Variants in LEPR observed in about 807,000 individuals in gnomAD.
The protein encoded by LEPR is leptin receptor, also known as OB receptor.
In LEPR, 56 loss-of-function variants were observed where a neutral mutation model predicts 114.7. That is an observed-to-expected ratio of 0.49 (90% confidence interval 0.39 to 0.61). The LOEUF is 0.61. Ranked by LOEUF, LEPR falls within the 20% of genes least tolerant of loss-of-function variation. LEPR has a pLI of 0.00. For missense variants in LEPR, 1,202 were observed against 1,352.9 expected (o/e 0.89, Z 1.75); for synonymous variants, 443 against 461.4 (o/e 0.96, Z 0.51).
At position 65,616,046 on chromosome 1, in the gene LEPR, A is replaced by G. The variant is rs377399607; in HGVS notation, c.2034A>G (p.Arg678=). ...ATGACTCATTGTGCAGTGTTCAGAG[A>G]TATGTGATAAACCATCATACTTCCT... ...MKNDSLCSVQ[R]YVINHHTSCN... Residue 678 remains arginine (R), a synonymous_variant, in exon 15 of 20, where the codon AGA becomes AGG. Coordinates refer to ENST00000349533, the MANE Select transcript of LEPR (RefSeq NM_002303.6). 27 of 1,614,048 alleles carry G rather than the reference A, an allele frequency of 1.7e-5. No homozygotes were observed. In the South Asian group the frequency reaches 2.6e-4, roughly 16 times the overall value.
At chr1:65,436,486 A>G (rs1258255655) in intron 2 of LEPR, among the ~76,000 whole-genome samples, 1 of 152,256 alleles carries the variant, frequency 6.6e-6, no homozygotes, top group Non-Finnish European at 1.5e-5. Context: ...ATTTCTTTGC[A>G]TTGCCAAGCT....
chr1:65,465,703 G>A (rs775291144), intron 2 of LEPR, among the ~76,000 whole-genome samples: 1 of 152,168 alleles, frequency 6.6e-6, no homozygotes, highest in Non-Finnish European at 1.5e-5. Context: ...ATGAATCTGG[G>A]TGCTCCTGTG....
chr1:65,505,548 T>C (rs137945627), intron 2 of LEPR, among the ~76,000 whole-genome samples: 1 of 152,128 alleles, frequency 6.6e-6, no homozygotes, highest in Admixed American at 6.5e-5. Context: ...TTAGGCAAGA[T>C]GGAGGAGACA....
chr1:65,620,128 A>C, intron 17 of LEPR, 105 bp downstream of exon 17: 1 of 891,598 alleles, frequency 1.1e-6, no homozygotes, highest in Non-Finnish European at 1.8e-6. Flanking sequence ...ATCATGGAAG[A>C]GTCCAAAGTC....
At chr1:65,597,357 G>T (rs1050600967) in intron 7 of LEPR, among the ~76,000 whole-genome samples, 1 of 151,906 alleles carries the variant, frequency 6.6e-6, no homozygotes, top group African/African-American at 2.4e-5. Context: ...AGTTCGTTCC[G>T]TAAGTATTTA....
intron 2 of LEPR, among the ~76,000 whole-genome samples, chr1:65,455,283 C>T (rs535889701): frequency 1.5e-3 from 231 of 152,314 alleles, no homozygotes; most frequent in African/African-American, 5.4e-3. Flanking sequence ...TCTCTCAGCT[C>T]GTCGAAGTCA....
chr1:65,450,925 C>T (rs1646776575), intron 2 of LEPR, among the ~76,000 whole-genome samples: 2 of 151,466 alleles, frequency 1.3e-5, no homozygotes, highest in South Asian at 4.2e-4. Context: ...TCTCCACATC[C>T]TCTCCAGCAC....
chr1:65,501,904 T>C (rs760133797), intron 2 of LEPR, among the ~76,000 whole-genome samples: 4 of 152,106 alleles, frequency 2.6e-5, no homozygotes, highest in Non-Finnish European at 4.4e-5. Context: ...TGGTGGAGCC[T>C]TTAAAAATAT....
At chr1:65,599,631 A>C (rs865978210) in intron 8 of LEPR, among the ~76,000 whole-genome samples, 5 of 152,114 alleles carry the variant, frequency 3.3e-5, no homozygotes, top group Admixed American at 6.6e-5. Context: ...TGGCTCCACC[A>C]CTTATTTGGA....
chr1:65,443,958 T>TGGACAGTGAAAC (rs1328839004), intron 2 of LEPR, among the ~76,000 whole-genome samples: 10 of 30,796 alleles, frequency 3.2e-4, no homozygotes, highest in Non-Finnish European at 5.0e-4. Flanking sequence ...ATACTTTTTT[T>TGGACAGTGAAAC]TTTTTTTTTT....
intron 2 of LEPR, among the ~76,000 whole-genome samples, chr1:65,446,220 A>G (rs1281034647): frequency 1.3e-5 from 2 of 152,324 alleles, no homozygotes; most frequent in African/African-American, 2.4e-5. Context: ...TTGCATTCCA[A>G]CCAACAATGT....
chr1:65,483,064 T>C (rs1647298948), intron 2 of LEPR, among the ~76,000 whole-genome samples: 1 of 151,398 alleles, frequency 6.6e-6, no homozygotes, highest in Non-Finnish European at 1.5e-5. Flanking sequence ...CAGGGAAATA[T>C]TGCTTAGACA....
At chr1:65,590,425 A>G (rs1175527738) in intron 5 of LEPR, among the ~76,000 whole-genome samples, 1 of 150,840 alleles carries the variant, frequency 6.6e-6, no homozygotes, top group African/African-American at 2.4e-5. Context: ...CCCAAGTGTC[A>G]TGGGAGGAAC....
Position 65,621,391 on chromosome 1 carries a change from G to A in LEPR, c.2530G>A (p.Val844Ile), listed in dbSNP as rs1257941212. The A allele has an allele frequency of 1.2e-6, 2 of 1,613,332 alleles. No homozygotes were observed. The highest frequency in any genetic ancestry group is 1.7e-5 in the Admixed American group (1 of 59,978). The change falls in exon 18 of 20, where the codon GTA becomes ATA. Residue 844 changes from valine to isoleucine, a missense_variant. Transcript: ENST00000349533. ...ACACCAGAGTGATGCAGGTTTATAT[G>A]TAATTGTGCCAGTAATTATTTCCTC... ...EKHQSDAGLY[V>I]IVPVIISSSI...
At chr1:65,503,891 T>C (rs998031728) in intron 2 of LEPR, among the ~76,000 whole-genome samples, 5 of 152,000 alleles carry the variant, frequency 3.3e-5, no homozygotes, top group Non-Finnish European at 7.4e-5. Flanking sequence ...AAGTCAGATC[T>C]TTGTTTCTAA....
chr1:65,462,183 GA>G (rs1161363747), intron 2 of LEPR, among the ~76,000 whole-genome samples: 4 of 152,094 alleles, frequency 2.6e-5, no homozygotes, highest in Non-Finnish European at 2.9e-5. Context: ...CCCAATGTGT[GA>G]TGTTCCCTGC....
intron 2 of LEPR, among the ~76,000 whole-genome samples, chr1:65,459,956 T>G (rs1241314108): frequency 6.6e-6 from 1 of 152,230 alleles, no homozygotes; most frequent in Non-Finnish European, 1.5e-5. Context: ...CTTTGTTAAA[T>G]GTGACCTCAT....
chr1:65,607,978 T>G (rs1656920586), intron 11 of LEPR, among the ~76,000 whole-genome samples: 1 of 152,182 alleles, frequency 6.6e-6, no homozygotes, highest in Non-Finnish European at 1.5e-5. Flanking sequence ...CACTTGCTAT[T>G]CAGACCATCT....
chr1:65,526,527 A>G (rs1299916874), intron 2 of LEPR: 1 of 605,286 alleles, frequency 1.7e-6, no homozygotes, highest in Non-Finnish European at 2.1e-6. Context: ...GGCTCTTGTC[A>G]GCCTAATGGA....
Sources: gnomAD v4.1 joint callset for allele counts (sites outside exome capture counted in the v4.1 genomes callset) on GRCh38, gnomAD v4.1.1 for gene constraint, MANE v1.5 for transcripts, NCBI Gene and HGNC (gene_info 2026-07-23, HGNC 2026-07-21) for gene names.